The following COMMD10 variants were observed in gnomAD, a reference collection of about 807,000 sequenced individuals.
The protein encoded by COMMD10 is COMM domain-containing protein 10.
COMMD10 carries 33 observed loss-of-function variants against 28.9 expected under a neutral mutation model. That is an observed-to-expected ratio of 1.14 (90% CI 0.87 to 1.53). The LOEUF is 1.53. COMMD10 is among the 40% of genes most tolerant of loss of function. The pLI, the probability that COMMD10 is intolerant of heterozygous loss-of-function variation, is 0.00. For missense variants in COMMD10, 310 were observed against 233.4 expected (o/e 1.33, Z -2.14); for synonymous variants, 110 against 81.7 (o/e 1.35, Z -1.87).
intron 5 of COMMD10, among the ~76,000 whole-genome samples, chr5:116,286,474 G>A (rs1294151406): frequency 6.8e-6 from 1 of 147,842 alleles, no homozygotes; most frequent in South Asian, 2.1e-4. Flanking sequence ...AGATATATAT[G>A]TATTTTACAT....
At chr5:116,197,644 C>T (rs73257269) in intron 5 of COMMD10, among the ~76,000 whole-genome samples, 12,567 of 152,058 alleles carry the variant, frequency 0.083, 1,008 homozygotes, top group African/African-American at 0.2. Context: ...GGCCTCCCTA[C>T]GTTCTGGGAT....
chr5:116,263,548 CTTTTAGGTCCGATAAGAAACA>C (rs1348000833), intron 5 of COMMD10, among the ~76,000 whole-genome samples: 1 of 151,622 alleles, frequency 6.6e-6, no homozygotes, highest in Non-Finnish European at 1.5e-5. Flanking sequence ...GCCAGGCACC[CTTTTAGGTCCGATAAGAAACA>C]TTTTACAGCC....
intron 5 of COMMD10, among the ~76,000 whole-genome samples, chr5:116,264,474 A>G (rs565222594): frequency 6.6e-6 from 1 of 151,782 alleles, no homozygotes; most frequent in Non-Finnish European, 1.5e-5. Context: ...TCACTGTAGC[A>G]CTTAGCATGC....
At chr5:116,123,070 A>G (rs1304561215) in intron 4 of COMMD10, among the ~76,000 whole-genome samples, 3 of 152,166 alleles carry the variant, frequency 2.0e-5, no homozygotes, top group African/African-American at 7.2e-5. Context: ...TTCAAAGGGA[A>G]TGCTTCTAGT....
At chr5:116,114,590 G>T (rs540083033) in intron 4 of COMMD10, among the ~76,000 whole-genome samples, 2 of 152,338 alleles carry the variant, frequency 1.3e-5, no homozygotes, top group East Asian at 3.9e-4. Context: ...GTCTCAGAGA[G>T]TAGGGCAAAG....
intron 5 of COMMD10, among the ~76,000 whole-genome samples, chr5:116,220,353 A>G (rs1488073632): frequency 6.6e-6 from 1 of 152,174 alleles, no homozygotes; most frequent in African/African-American, 2.4e-5. Flanking sequence ...AGGAATTCTA[A>G]GCCCCTAGAG....
At chr5:116,180,735 A>G (rs1421443723) in intron 5 of COMMD10, among the ~76,000 whole-genome samples, 2 of 152,080 alleles carry the variant, frequency 1.3e-5, no homozygotes, top group Admixed American at 6.6e-5. Flanking sequence ...TATAAAATCA[A>G]TTTTTTTGAC....
At chr5:116,130,470 A>T (rs555607226) in intron 4 of COMMD10, among the ~76,000 whole-genome samples, 1 of 151,964 alleles carries the variant, frequency 6.6e-6, no homozygotes, top group African/African-American at 2.4e-5. Flanking sequence ...GACGTTTGTT[A>T]TGTCAGTCAT....
intron 5 of COMMD10, among the ~76,000 whole-genome samples, chr5:116,162,301 C>T (rs1752943986): frequency 6.6e-6 from 1 of 150,714 alleles, no homozygotes; most frequent in South Asian, 2.1e-4. Flanking sequence ...AATAAGACTG[C>T]AGTACAAGAA....
intron 5 of COMMD10, among the ~76,000 whole-genome samples, chr5:116,247,806 C>T (rs1189210198): frequency 1.3e-5 from 2 of 151,762 alleles, no homozygotes; most frequent in Admixed American, 6.6e-5. Context: ...ACTCTGGGGT[C>T]TATTGGAGGG....
intron 5 of COMMD10, among the ~76,000 whole-genome samples, chr5:116,183,999 A>T (rs4509060): frequency 0.98 from 148,840 of 152,158 alleles, 72,883 homozygotes; most frequent in East Asian, 1. Flanking sequence ...TTAATCAGTC[A>T]TCCGTTAAGG....
intron 5 of COMMD10, among the ~76,000 whole-genome samples, chr5:116,193,389 A>G (rs543602287): frequency 4.9e-4 from 74 of 152,330 alleles, no homozygotes; most frequent in African/African-American, 1.7e-3. Context: ...ATGGATAAGA[A>G]TTTACCAACA....
chr5:116,176,588 T>A (rs1002386502), intron 5 of COMMD10, among the ~76,000 whole-genome samples: 1 of 152,198 alleles, frequency 6.6e-6, no homozygotes, highest in African/African-American at 2.4e-5. Context: ...TGTTTTACTT[T>A]CTCATGTATA....
chr5:116,203,075 G>A (rs1195725659), intron 5 of COMMD10, among the ~76,000 whole-genome samples: 2 of 152,010 alleles, frequency 1.3e-5, no homozygotes, highest in Admixed American at 6.6e-5. Context: ...AAGGTGTAAG[G>A]AAGGGATCCA....
chr5:116,223,070 G>C (rs1749305446), intron 5 of COMMD10, among the ~76,000 whole-genome samples: 1 of 152,106 alleles, frequency 6.6e-6, no homozygotes, highest in Admixed American at 6.5e-5. Flanking sequence ...GTCATAGATT[G>C]TGTTATTTTA....
At chr5:116,210,694 C>T (rs973429278) in intron 5 of COMMD10, among the ~76,000 whole-genome samples, 6 of 152,048 alleles carry the variant, frequency 3.9e-5, no homozygotes, top group African/African-American at 1.2e-4. Context: ...ATGCTAAATG[C>T]AACCACTTCT....
chr5:116,171,820 G>A (rs1490978319), intron 5 of COMMD10, among the ~76,000 whole-genome samples: 1 of 129,388 alleles, frequency 7.7e-6, no homozygotes, highest in Non-Finnish European at 1.5e-5. Context: ...ACACACTGGG[G>A]CCTGTCACGG....
At chr5:116,265,261 T>C (rs1190312735) in intron 5 of COMMD10, among the ~76,000 whole-genome samples, 1 of 151,762 alleles carries the variant, frequency 6.6e-6, no homozygotes, top group East Asian at 1.9e-4. Flanking sequence ...TTTTTTTCAC[T>C]ATCCCCAAAA....
chr5:116,130,407 G>A (rs971273975), intron 4 of COMMD10, among the ~76,000 whole-genome samples: 2 of 151,812 alleles, frequency 1.3e-5, no homozygotes, highest in African/African-American at 2.4e-5. Context: ...TCTGTTATCC[G>A]GGGACTGAGA....
Sources: gnomAD v4.1 joint callset for allele counts (sites outside exome capture counted in the v4.1 genomes callset) on GRCh38, gnomAD v4.1.1 for gene constraint, MANE v1.5 for transcripts, NCBI Gene and HGNC (gene_info 2026-07-23, HGNC 2026-07-21) for gene names.